Variants in SLC38A9 observed in about 807,000 individuals in gnomAD.
SLC38A9 encodes neutral amino acid transporter 9.
A neutral mutation model predicts 62.3 loss-of-function variants in SLC38A9; 48 were observed. The ratio of observed to expected loss-of-function variants is 0.77; its 90% CI spans 0.61 to 0.98. The LOEUF is 0.98. SLC38A9 is among the 50% of genes least tolerant of loss of function. The probability of loss-of-function intolerance (pLI) is 0.00; values close to 1 mark genes in which losing one functional copy is unlikely to be tolerated. For missense variants in SLC38A9, 541 were observed against 679.8 expected (o/e 0.80, Z 2.27); for synonymous variants, 204 against 227.7 (o/e 0.90, Z 0.94).
At chr5:55,642,952 C>T (rs1745671942) in intron 12 of SLC38A9, among the ~76,000 whole-genome samples, 1 of 152,186 alleles carries the variant, frequency 6.6e-6, no homozygotes, top group Admixed American at 6.5e-5. Context: ...TTACTCAAAG[C>T]CTTCTCAGAA....
intron 3 of SLC38A9, among the ~76,000 whole-genome samples, chr5:55,677,267 T>A (rs927134324): frequency 1.4e-4 from 21 of 152,302 alleles, no homozygotes; most frequent in African/African-American, 3.8e-4. Context: ...AATAAAACAT[T>A]AATATATAAA....
At position 55,626,416 on chromosome 5, in the gene SLC38A9, T is replaced by C; in HGVS notation, c.*78A>G. The C allele has an allele frequency of 3.3e-6, 4 of 1,218,872 alleles. No homozygotes were observed. Among genetic ancestry groups the C allele is most frequent in the Non-Finnish European group, 4.6e-6 (4 of 867,390 alleles). The allele number at this position is 1,218,872 out of a possible 1,614,324, so 75.5% of individuals were successfully genotyped here. A position where few individuals can be genotyped will look rare whatever the true frequency, so the allele number is the denominator to read the frequency against. On this transcript the variant is annotated 3_prime_UTR_variant, in exon 16 of 16. Coordinates refer to ENST00000396865, the MANE Select transcript of SLC38A9 (RefSeq NM_173514.4). ...ATTTAGAATTACACAACAGCAGCAT[T>C]TACAAGTGAATTTATATAGAACTGT... is the stretch of plus-strand genomic sequence containing the variant.
intron 2 of SLC38A9, among the ~76,000 whole-genome samples, chr5:55,705,110 G>A (rs1013844732): frequency 5.3e-5 from 8 of 152,048 alleles, no homozygotes; most frequent in Non-Finnish European, 7.4e-5. Flanking sequence ...TTAACTTAGC[G>A]GCCTGAACAA....
chr5:55,710,101 A>G (rs1355853352), intron 2 of SLC38A9, among the ~76,000 whole-genome samples: 1 of 151,254 alleles, frequency 6.6e-6, no homozygotes, highest in Admixed American at 6.6e-5. Flanking sequence ...AAAAAAGAAA[A>G]AGAAAAGAAA....
intron 12 of SLC38A9, among the ~76,000 whole-genome samples, chr5:55,643,890 T>C (rs1745842576): frequency 6.6e-6 from 1 of 152,244 alleles, no homozygotes; most frequent in African/African-American, 2.4e-5. Context: ...TATCTTTATG[T>C]TTAATATAAA....
At chr5:55,650,964 T>A (rs1394202832) in intron 10 of SLC38A9, among the ~76,000 whole-genome samples, 1 of 151,810 alleles carries the variant, frequency 6.6e-6, no homozygotes, top group East Asian at 2.0e-4. Flanking sequence ...GCTAATTTTG[T>A]ATTTTTAGTA....
intron 8 of SLC38A9, among the ~76,000 whole-genome samples, chr5:55,661,444 CAAAAAAAAA>C (rs3072768): frequency 4.4e-5 from 3 of 67,644 alleles, no homozygotes; most frequent in Non-Finnish European, 5.1e-5. Flanking sequence ...GACTCCGTCT[CAAAAAAAAA>C]AAAAAAAAAA....
intron 2 of SLC38A9, among the ~76,000 whole-genome samples, chr5:55,703,808 CTAAT>C (rs1262880795): frequency 2.0e-5 from 3 of 152,120 alleles, no homozygotes; most frequent in Non-Finnish European, 2.9e-5. Context: ...GTCAAATTGA[CTAAT>C]TAACTTGAAA....
chr5:55,707,398 T>C (rs1280595824), intron 2 of SLC38A9, among the ~76,000 whole-genome samples: 1 of 152,144 alleles, frequency 6.6e-6, no homozygotes, highest in Non-Finnish European at 1.5e-5. Context: ...GGGCTAAATA[T>C]ACAAGATGAC....
intron 7 of SLC38A9, among the ~76,000 whole-genome samples, chr5:55,668,096 C>T (rs774406902): frequency 2.6e-5 from 4 of 152,070 alleles, no homozygotes; most frequent in African/African-American, 7.2e-5. Flanking sequence ...CACCTGTGCC[C>T]GGGAAGTCCA....
rs185021555 is a variant in SLC38A9, at chr5:55,652,465, T to C, written c.952+64A>G. On this transcript the variant is annotated intron_variant, in intron 10 of 15. Coordinates refer to ENST00000396865, the MANE Select transcript of SLC38A9 (RefSeq NM_173514.4). ...AAGGTAACTCCCCAATCAGACCATA[T>C]TTCCCTAGACTCCACCACGTATTCT... 769 of 993,370 alleles carry C rather than the reference T, an allele frequency of 7.7e-4. 10 individuals carry two copies. In the Admixed American group the frequency reaches 0.012, roughly 16 times the overall value. The allele number at this position is 993,370 out of a possible 1,614,324, so 61.5% of individuals were successfully genotyped here.
chr5:55,649,118 A>C (rs963059755), intron 11 of SLC38A9, 89 bp downstream of exon 11: 1 of 65,420 alleles, frequency 1.5e-5, no homozygotes, highest in African/African-American at 9.0e-5. Flanking sequence ...TGCTCAGCAT[A>C]AAAAAAAAAT....
At chr5:55,693,654 G>C (rs1755039488) in intron 3 of SLC38A9, among the ~76,000 whole-genome samples, 1 of 152,170 alleles carries the variant, frequency 6.6e-6, no homozygotes, top group Non-Finnish European at 1.5e-5. Flanking sequence ...TTCCCAATGA[G>C]AGCAGAATAT....
chr5:55,665,520 C>T (rs1240615676), intron 7 of SLC38A9, among the ~76,000 whole-genome samples: 1 of 147,744 alleles, frequency 6.8e-6, no homozygotes, highest in Non-Finnish European at 1.5e-5. Context: ...GCACTCCAGC[C>T]TAGATGACAA....
chr5:55,655,407 A>G (rs1250202901), intron 9 of SLC38A9, among the ~76,000 whole-genome samples: 1 of 152,230 alleles, frequency 6.6e-6, no homozygotes, highest in Non-Finnish European at 1.5e-5. Context: ...ATATCAGAAT[A>G]GGTATAGTAA....
intron 8 of SLC38A9, among the ~76,000 whole-genome samples, chr5:55,657,552 G>C (rs1263169697): frequency 6.8e-6 from 1 of 148,020 alleles, no homozygotes; most frequent in Non-Finnish European, 1.5e-5. Flanking sequence ...TATACGAATT[G>C]TTATTTACAT....
chr5:55,627,280 CA>C (rs1003037019), intron 15 of SLC38A9, among the ~76,000 whole-genome samples: 3 of 151,372 alleles, frequency 2.0e-5, no homozygotes, highest in Admixed American at 2.0e-4. Flanking sequence ...AAGAGTGTTC[CA>C]AAAAAAATGA....
intron 12 of SLC38A9, among the ~76,000 whole-genome samples, chr5:55,640,923 G>A (rs760450473): frequency 2.0e-4 from 30 of 150,164 alleles, no homozygotes; most frequent in East Asian, 4.0e-4. Flanking sequence ...TGCAACCTCC[G>A]CCTGCCAGGT....
chr5:55,641,075 G>C (rs1342996102), intron 12 of SLC38A9, among the ~76,000 whole-genome samples: 1 of 152,032 alleles, frequency 6.6e-6, no homozygotes, highest in African/African-American at 2.4e-5. Context: ...CCCAACCTCA[G>C]GTGATCCACG....
Sources: gnomAD v4.1 joint callset for allele counts (sites outside exome capture counted in the v4.1 genomes callset) on GRCh38, gnomAD v4.1.1 for gene constraint, MANE v1.5 for transcripts, NCBI Gene and HGNC (gene_info 2026-07-23, HGNC 2026-07-21) for gene names.